MINDY4: variants seen among roughly 807,000 people sequenced by gnomAD.
The protein encoded by MINDY4 is probable ubiquitin carboxyl-terminal hydrolase MINDY-4.
In MINDY4, 68 loss-of-function variants were observed where a neutral mutation model predicts 87.0. The ratio of observed to expected loss-of-function variants is 0.78; its 90% CI spans 0.64 to 0.96. The LOEUF (loss-of-function observed/expected upper bound fraction) is 0.96. MINDY4 is among the 40% of genes least tolerant of loss of function. The probability of loss-of-function intolerance (pLI) is 0.00; values close to 1 mark genes in which losing one functional copy is unlikely to be tolerated. For missense variants in MINDY4, 919 were observed against 928.2 expected (o/e 0.99, Z 0.13); for synonymous variants, 379 against 363.2 (o/e 1.04, Z -0.50).
chr7:30,850,633 T>A lies in MINDY4; in HGVS notation c.1547+78T>A, dbSNP rs557309799. 6.8e-5 allele frequency: 89 copies of A among 1,299,298 alleles called. No individual in the cohort carries two copies. In the African/African-American group the frequency reaches 7.2e-4, roughly 11 times the overall value. The allele number at this position is 1,299,298 out of a possible 1,614,324, so 80.5% of individuals were successfully genotyped here. On this transcript the variant is annotated intron_variant, in intron 10 of 17. Coordinates refer to ENST00000265299, the MANE Select transcript of MINDY4 (RefSeq NM_032222.3). Reference sequence around the variant, plus strand: ...CCGGCAAGCTGGCTGTGTATGCTCCTATCCTTGGGTCCTTCCGTTACCCAC... The same window carrying A: ...CCGGCAAGCTGGCTGTGTATGCTCCAATCCTTGGGTCCTTCCGTTACCCAC...
intron 4 of MINDY4, chr7:30,786,545 T>G (rs1180130630): frequency 6.5e-6 from 1 of 153,644 alleles, no homozygotes; most frequent in African/African-American, 2.4e-5. Flanking sequence ...GAGGATTGCT[T>G]GAACCTGGGA....
chr7:30,783,414 A>T (rs1337142742), intron 3 of MINDY4, among the ~76,000 whole-genome samples: 1 of 152,184 alleles, frequency 6.6e-6, no homozygotes, highest in South Asian at 2.1e-4. Context: ...TTCACTGTGT[A>T]GCTAGCCCAC....
intron 5 of MINDY4, among the ~76,000 whole-genome samples, chr7:30,795,444 C>T (rs1028385139): frequency 1.3e-4 from 20 of 152,178 alleles, no homozygotes; most frequent in African/African-American, 4.6e-4. Context: ...ACCATGGAGC[C>T]GTGGGATCCA....
chr7:30,865,913 GA>G (rs1375006964), intron 13 of MINDY4, among the ~76,000 whole-genome samples: 2 of 152,206 alleles, frequency 1.3e-5, no homozygotes, highest in Non-Finnish European at 2.9e-5. Context: ...TGCTGACTTA[GA>G]AAGAGAGGTG....
intron 5 of MINDY4, among the ~76,000 whole-genome samples, chr7:30,815,867 C>A (rs1788131903): frequency 6.6e-6 from 1 of 152,072 alleles, no homozygotes; most frequent in Non-Finnish European, 1.5e-5. Context: ...TGTGTCTCCC[C>A]AAGGGAAGAG....
intron 1 of MINDY4, among the ~76,000 whole-genome samples, chr7:30,777,616 AC>A (rs1786865282): frequency 6.6e-6 from 1 of 152,204 alleles, no homozygotes; most frequent in South Asian, 2.1e-4. Flanking sequence ...AATTCTGAAC[AC>A]AAAGGCTCTG....
chr7:30,781,813 A>C, intron 2 of MINDY4, 164 bp from the exon 3 acceptor site: 3 of 605,192 alleles, frequency 5.0e-6, no homozygotes, highest in South Asian at 4.2e-5. Flanking sequence ...TACCCAACAT[A>C]GTACCTGACA....
At chr7:30,810,321 G>A (rs1787949397) in intron 5 of MINDY4, among the ~76,000 whole-genome samples, 1 of 148,858 alleles carries the variant, frequency 6.7e-6, no homozygotes, top group African/African-American at 2.5e-5. Flanking sequence ...AAGTAGCTAG[G>A]CCTCCTGAAT....
At chr7:30,790,933 C>T (rs1380658345) in intron 4 of MINDY4, among the ~76,000 whole-genome samples, 1 of 152,154 alleles carries the variant, frequency 6.6e-6, no homozygotes, top group African/African-American at 2.4e-5. Context: ...AGAGAAAGGC[C>T]CAGGCCTGCT....
intron 12 of MINDY4, chr7:30,858,023 G>A (rs1021204156): frequency 1.3e-5 from 2 of 152,258 alleles, no homozygotes; most frequent in African/African-American, 4.8e-5. Context: ...TCTGTTCCAG[G>A]AGAAACAAGT....
At chr7:30,801,023 A>G (rs1787633630) in intron 5 of MINDY4, among the ~76,000 whole-genome samples, 1 of 152,172 alleles carries the variant, frequency 6.6e-6, no homozygotes, top group South Asian at 2.1e-4. Context: ...GGAGAGAGAC[A>G]AGTGCATCCC....
intron 15 of MINDY4, 57 bp downstream of exon 15, chr7:30,875,713 AGGAGGGAAG>A: frequency 1.3e-6 from 2 of 1,536,988 alleles, no homozygotes; most frequent in Admixed American, 1.9e-5. Flanking sequence ...TGGAGCAATG[AGGAGGGAAG>A]TGGGGAAGGA....
chr7:30,854,487 C>T (rs755059308), intron 12 of MINDY4, among the ~76,000 whole-genome samples: 8 of 152,132 alleles, frequency 5.3e-5, no homozygotes, highest in South Asian at 2.1e-4. Context: ...AGCAGACCCG[C>T]GACCTCTGAG....
chr7:30,798,049 A>G (rs2128170097), intron 5 of MINDY4, among the ~76,000 whole-genome samples: 1 of 152,280 alleles, frequency 6.6e-6, no homozygotes, highest in Middle Eastern at 3.4e-3. Context: ...TGAAGTGGAA[A>G]CATCATAGAG....
At chr7:30,793,420 C>CTTT (rs59690003) in intron 5 of MINDY4, among the ~76,000 whole-genome samples, 2 of 140,990 alleles carry the variant, frequency 1.4e-5, no homozygotes, top group African/African-American at 5.2e-5. Context: ...CTTTGGTTTG[C>CTTT]TTTTTTTTTT....
rs1356068232 is a variant in MINDY4, at chr7:30,850,589, C to T, written c.1547+34C>T. The T allele has an allele frequency of 3.2e-6, 5 of 1,560,094 alleles. No individual in the cohort carries two copies. The East Asian group carries it at 9.5e-5, about 30-fold the overall frequency. ...TTCCGAGGTCTGTGTTGCCGTGGCT[C>T]ATCGTCTGCTGGCAGCTGCCGGCAA... On this transcript the variant is annotated intron_variant, in intron 10 of 17. Coordinates refer to ENST00000265299, the MANE Select transcript of MINDY4 (RefSeq NM_032222.3).
At chr7:30,860,614 G>A (rs140440317) in intron 13 of MINDY4, among the ~76,000 whole-genome samples, 209 of 152,128 alleles carry the variant, frequency 1.4e-3, no homozygotes, top group African/African-American at 4.3e-3. Context: ...CAGTCTCAGC[G>A]CCCCCATCCA....
intron 9 of MINDY4, 51 bp from the exon 10 acceptor site, chr7:30,850,403 C>T (rs781316989): frequency 5.9e-6 from 9 of 1,530,802 alleles, no homozygotes; most frequent in Non-Finnish European, 7.1e-6. Flanking sequence ...GCTGCACCAT[C>T]TCAACCTTGT....
chr7:30,784,103 C>T (rs1284788487), intron 3 of MINDY4, among the ~76,000 whole-genome samples: 2 of 152,096 alleles, frequency 1.3e-5, no homozygotes, highest in South Asian at 2.1e-4. Flanking sequence ...AAAGGTGGCA[C>T]CATGACAAGC....
Sources: gnomAD v4.1 joint callset for allele counts (sites outside exome capture counted in the v4.1 genomes callset) on GRCh38, gnomAD v4.1.1 for gene constraint, MANE v1.5 for transcripts, NCBI Gene and HGNC (gene_info 2026-07-23, HGNC 2026-07-21) for gene names.